ABL1: variants seen among roughly 807,000 people sequenced by gnomAD.
ABL1 encodes ABL proto-oncogene 1, non-receptor tyrosine kinase, also known as tyrosine-protein kinase ABL1.
A neutral mutation model predicts 94.7 loss-of-function variants in ABL1; 11 were observed. That is an observed-to-expected ratio of 0.12 (90% CI 0.07 to 0.19). The LOEUF is 0.19. Among genes scored for constraint, ABL1 ranks in the 10% least tolerant of loss-of-function variants. The pLI is 1.00. For synonymous variants in ABL1, 656 were observed against 622.4 expected, an observed-to-expected ratio of 1.05 and a Z score of -0.80; for missense variants, 1,082 against 1,489.4, an observed-to-expected ratio of 0.73 and a Z score of 4.50.
chr9:130,772,434 G>A (rs1485312322), intron 1 of ABL1, among the ~76,000 whole-genome samples: 1 of 152,216 alleles, frequency 6.6e-6, no homozygotes, highest in East Asian at 1.9e-4. Context: ...ATGAAACACT[G>A]AGACACTGGA....
chr9:130,836,469 T>C (rs1448361586), intron 1 of ABL1, among the ~76,000 whole-genome samples: 2 of 152,236 alleles, frequency 1.3e-5, no homozygotes, highest in Admixed American at 1.3e-4. Context: ...AGAAAGGCTA[T>C]CTGTGCTTCA....
intron 1 of ABL1, among the ~76,000 whole-genome samples, chr9:130,800,981 A>G (rs1830047163): frequency 6.9e-6 from 1 of 144,516 alleles, no homozygotes; most frequent in Admixed American, 7.1e-5. Flanking sequence ...CCCAGGCTGG[A>G]GTGCAGAGGC....
At chr9:130,742,297 A>G (rs574167716) in intron 1 of ABL1, among the ~76,000 whole-genome samples, 11 of 152,188 alleles carry the variant, frequency 7.2e-5, no homozygotes, top group Non-Finnish European at 1.0e-4. Flanking sequence ...ATCCAGGTCA[A>G]TGCCCTTACC....
At position 130,865,746 on chromosome 9, in the gene ABL1, CAA is replaced by C. The variant is rs36055589; in HGVS notation, c.822+2732_822+2733del. On this transcript the variant is annotated intron_variant, in intron 4 of 10. Transcript: ENST00000318560. ...GGGGAGCAGAGTGAGACCCTGTCTCCAAAAAAAAAAAAAAAAAAAAAAGCTGA... is the reference window on the plus strand; with the variant it reads ...GGGGAGCAGAGTGAGACCCTGTCTCCAAAAAAAAAAAAAAAAAAAAGCTGA... 1.8e-3 allele frequency among the ~76,000 whole-genome samples: 110 copies of C among 61,668 alleles called. 1 individual carries two copies. Among genetic ancestry groups the C allele is most frequent in the African/African-American group, 3.2e-3 (57 of 17,962 alleles). The allele number at this position is 61,668 out of a possible 152,430, so 40.5% of individuals were successfully genotyped here.
At chr9:130,764,403 G>C (rs1053846104) in intron 1 of ABL1, among the ~76,000 whole-genome samples, 3 of 152,136 alleles carry the variant, frequency 2.0e-5, no homozygotes, top group African/African-American at 7.2e-5. Flanking sequence ...GAACTGTATT[G>C]CTGACCCTTT....
chr9:130,848,965 T>C (rs940423456), intron 1 of ABL1, among the ~76,000 whole-genome samples: 39 of 151,872 alleles, frequency 2.6e-4, no homozygotes, highest in African/African-American at 9.2e-4. Context: ...GAAAAGTAAA[T>C]TTAAAGCACT....
At chr9:130,828,865 G>A (rs111470340) in intron 1 of ABL1, among the ~76,000 whole-genome samples, 97 of 152,314 alleles carry the variant, frequency 6.4e-4, no homozygotes, top group Non-Finnish European at 1.1e-3. Flanking sequence ...AAATTTCAGA[G>A]TTTAGTGAAG....
chr9:130,747,573 C>T (rs540382841), intron 1 of ABL1, among the ~76,000 whole-genome samples: 1 of 152,218 alleles, frequency 6.6e-6, no homozygotes, highest in Admixed American at 6.5e-5. Context: ...GCCACAACAC[C>T]CTGCTAATTT....
intron 1 of ABL1, among the ~76,000 whole-genome samples, chr9:130,775,784 G>A: frequency 6.6e-6 from 1 of 151,288 alleles, no homozygotes. Context: ...AAGGCCAATA[G>A]AACACCAAAG....
intron 1 of ABL1, among the ~76,000 whole-genome samples, chr9:130,780,303 A>G (rs1454462017): frequency 6.6e-6 from 1 of 152,098 alleles, no homozygotes; most frequent in Non-Finnish European, 1.5e-5. Flanking sequence ...GAAATTGAAC[A>G]GCCCATTTTG....
At chr9:130,722,656 T>C (rs570768457) in intron 1 of ABL1, among the ~76,000 whole-genome samples, 55 of 152,284 alleles carry the variant, frequency 3.6e-4, no homozygotes, top group Admixed American at 7.2e-4. Flanking sequence ...CACCTGGCCA[T>C]GTATGTACAT....
chr9:130,796,343 C>T (rs1205791404), intron 1 of ABL1, among the ~76,000 whole-genome samples: 1 of 152,018 alleles, frequency 6.6e-6, no homozygotes. Context: ...GGCAACATAG[C>T]GAAACCTCAT....
rs34806832 is a variant in ABL1, at chr9:130,886,900, C to G, written c.*1217C>G. 2.4e-3 allele frequency: 550 copies of G among 233,100 alleles called. 2 individuals carry two copies. The highest frequency in any genetic ancestry group is 0.011 in the African/African-American group (503 of 45,450). 14.4% of individuals were successfully genotyped at this position (233,100 alleles called of 1,614,324 possible). A position where few individuals can be genotyped will look rare whatever the true frequency, so the allele number is the denominator to read the frequency against. Reference sequence around the variant, plus strand: ...ACTGGGCGAATGTCTTATTTAATTACCGTGAGTGACATAGCCTCATGTTCT... The same window carrying G: ...ACTGGGCGAATGTCTTATTTAATTAGCGTGAGTGACATAGCCTCATGTTCT... On this transcript the variant is annotated 3_prime_UTR_variant, in exon 11 of 11. Coordinates refer to ENST00000318560, the MANE Select transcript of ABL1 (RefSeq NM_005157.6).
intron 1 of ABL1, among the ~76,000 whole-genome samples, chr9:130,749,809 C>G (rs1831932895): frequency 6.6e-6 from 1 of 152,038 alleles, no homozygotes; most frequent in Non-Finnish European, 1.5e-5. Context: ...GTTGATTCGT[C>G]TTCATAATTT....
At chr9:130,732,682 C>T (rs951358104) in intron 1 of ABL1, among the ~76,000 whole-genome samples, 5 of 152,090 alleles carry the variant, frequency 3.3e-5, no homozygotes, top group African/African-American at 1.2e-4. Context: ...CTTCAGGTTA[C>T]AAACCTTTTC....
At position 130,875,048 on chromosome 9, in the gene ABL1, C is replaced by T; in HGVS notation, c.1266C>T (p.Val422=). ...AYNKFSIKSD[V]WAFGVLLWEI... is the part of the protein sequence containing the mutation. ...ACAAGTTCTCCATCAAGTCCGACGT[C>T]TGGGGTAAGGGCTGCTGCTGCACTG... Residue 422 remains valine, a synonymous_variant, in exon 7 of 11, where the codon GTC becomes GTT. Coordinates refer to ENST00000318560, the MANE Select transcript of ABL1 (RefSeq NM_005157.6). 6.2e-7 allele frequency: 1 copy of T among 1,614,138 alleles called. No homozygotes were observed. The highest frequency in any genetic ancestry group is 8.5e-7 in the Non-Finnish European group (1 of 1,180,000).
At chr9:130,754,539 C>T (rs993171102) in intron 1 of ABL1, among the ~76,000 whole-genome samples, 3 of 147,586 alleles carry the variant, frequency 2.0e-5, no homozygotes, top group African/African-American at 5.1e-5. Context: ...AATTTACTAT[C>T]ATGTAAAGGG....
rs1831438114 is a variant in ABL1, at chr9:130,880,744, G to C, written c.1678+80G>C. 3.3e-6 allele frequency: 5 copies of C among 1,523,148 alleles called. No homozygotes were observed. Among genetic ancestry groups the C allele is most frequent in the Admixed American group, 2.0e-5 (1 of 50,238 alleles). 94.4% of individuals were successfully genotyped at this position (1,523,148 alleles called of 1,614,324 possible). ...ACATTCAGGCCATCATAGGCCAACG[G>C]GAAGCTGTGAATGGAGCCCGCACAG... On this transcript the variant is annotated intron_variant, in intron 10 of 10. Coordinates refer to ENST00000318560, the MANE Select transcript of ABL1 (RefSeq NM_005157.6). This position sits in a 1 kb window ranked among gnomAD's most constrained non-coding sequence, Gnocchi z 4.4.
chr9:130,743,679 GT>G (rs1451182101), intron 1 of ABL1, among the ~76,000 whole-genome samples: 1 of 152,228 alleles, frequency 6.6e-6, no homozygotes, highest in Non-Finnish European at 1.5e-5. Context: ...AGTCCAGGGA[GT>G]TTCCCAAGTG....
Sources: gnomAD v4.1 joint callset for allele counts (sites outside exome capture counted in the v4.1 genomes callset) on GRCh38, gnomAD v4.1.1 for gene constraint, Gnocchi (gnomAD v3.1) non-coding constraint, MANE v1.5 for transcripts, NCBI Gene and HGNC (gene_info 2026-07-23, HGNC 2026-07-21) for gene names.